The following ANO3 variants were observed in gnomAD, a reference collection of about 807,000 sequenced individuals.
The protein encoded by ANO3 is anoctamin-3.
Under a neutral mutation model 144.8 loss-of-function variants are expected in ANO3, and 99 were observed. That is an observed-to-expected ratio of 0.68 (90% CI 0.58 to 0.81). The LOEUF (loss-of-function observed/expected upper bound fraction) is 0.81, where lower values mean the gene tolerates loss of function less well. Among genes scored for constraint, ANO3 ranks in the 30% least tolerant of loss-of-function variants. The pLI, the probability that ANO3 is intolerant of heterozygous loss-of-function variation, is 0.00. For missense variants in ANO3, 905 were observed against 1,202.2 expected (o/e 0.75, Z 3.66); for synonymous variants, 414 against 392.6 (o/e 1.05, Z -0.64).
At chr11:26,391,551 A>G (rs1841569) in intron 1 of ANO3, among the ~76,000 whole-genome samples, 141,913 of 152,144 alleles carry the variant, frequency 0.93, 66,344 homozygotes, top group East Asian at 1. Context: ...TTACTTTTAT[A>G]TGATAGCATA....
intron 6 of ANO3, among the ~76,000 whole-genome samples, chr11:26,521,294 A>C (rs546090009): frequency 2.6e-5 from 4 of 152,308 alleles, no homozygotes; most frequent in Admixed American, 6.5e-5. Flanking sequence ...ATTTTTTAAA[A>C]ATTTATGCAT....
intron 24 of ANO3, among the ~76,000 whole-genome samples, chr11:26,654,263 C>T (rs79570279): frequency 2.4e-4 from 37 of 152,028 alleles, no homozygotes; most frequent in Non-Finnish European, 2.9e-4. Flanking sequence ...TTTATTTAAG[C>T]GTTCGTTGAA....
At chr11:26,310,498 TC>T (rs1854480836) in intron 1 of ANO3, among the ~76,000 whole-genome samples, 1 of 152,208 alleles carries the variant, frequency 6.6e-6, no homozygotes, top group African/African-American at 2.4e-5. Flanking sequence ...AAGAGTTCCT[TC>T]TGCCTGAATA....
intron 1 of ANO3, among the ~76,000 whole-genome samples, chr11:26,343,564 C>T (rs1223006321): frequency 6.6e-6 from 1 of 152,138 alleles, no homozygotes; most frequent in East Asian, 1.9e-4. Flanking sequence ...CTCCGTGGTA[C>T]ACTTGCAGCT....
chr11:26,544,273 T>TATATATACACACACAC lies in ANO3; in HGVS notation c.1154+2206_1154+2207insTATATACACACACACA. Among the ~76,000 whole-genome samples the TATATATACACACACAC allele has an allele frequency of 7.2e-4, 42 of 58,570 alleles. 2 individuals carry two copies. The East Asian group carries it at 0.016, about 23-fold the overall frequency. 38.4% of individuals were successfully genotyped at this position (58,570 alleles called of 152,430 possible). On this transcript the variant is annotated intron_variant, in intron 11 of 26. Coordinates refer to ENST00000256737, the MANE Select transcript of ANO3 (RefSeq NM_031418.4). The stretch of plus-strand genomic sequence containing the variant: ...ATACATATATATATATATATATATA[T>TATATATACACACACAC]ACACACATACACACACACACACACA...
exon 1 of ANO3, chr11:26,309,645 G>A: frequency 1.0e-6 from 1 of 985,102 alleles, no homozygotes; most frequent in Non-Finnish European, 1.2e-6. Context: ...TCTCTCACAG[G>A]TCTGCAAAAG....
intron 1 of ANO3, among the ~76,000 whole-genome samples, chr11:26,194,006 G>A (rs969378755): frequency 6.6e-6 from 1 of 152,168 alleles, no homozygotes; most frequent in African/African-American, 2.4e-5. Context: ...TATTAAGGGT[G>A]TAAAAAATCC....
rs11029381 is a variant in ANO3 at position 26,199,596 on chromosome 11, T to G, written c.154+10266T>G. Among the ~76,000 whole-genome samples the G allele has an allele frequency of 1.2e-3, 178 of 152,304 alleles. 2 individuals are homozygous for G. The East Asian group carries it at 0.026, about 23-fold the overall frequency. On this transcript the variant is annotated intron_variant, in intron 1 of 27. Coordinates refer to the ANO3 transcript ENST00000672621. ...AACTGGGCCAAAGATTCTTTTACAC[T>G]CTGAGAAACTGGCTATGGAAGTTGT...
At chr11:26,500,873 G>A (rs1590423392) in intron 4 of ANO3, among the ~76,000 whole-genome samples, 1 of 152,088 alleles carries the variant, frequency 6.6e-6, no homozygotes, top group East Asian at 1.9e-4. Flanking sequence ...GGAAACAGTT[G>A]TAGCTGTAAA....
intron 7 of ANO3, among the ~76,000 whole-genome samples, chr11:26,526,770 A>T (rs7937838): frequency 0.015 from 2,225 of 152,210 alleles, 48 homozygotes; most frequent in African/African-American, 0.051. Flanking sequence ...TAAATTAATG[A>T]TGCTCTTCAA....
intron 21 of ANO3, among the ~76,000 whole-genome samples, chr11:26,640,264 T>C (rs1264364683): frequency 6.6e-6 from 1 of 152,252 alleles, no homozygotes; most frequent in African/African-American, 2.4e-5. Context: ...AGGATATTTA[T>C]GAAGATTAAC....
chr11:26,302,191 G>C (rs1222804919), intron 1 of ANO3, among the ~76,000 whole-genome samples: 1 of 152,062 alleles, frequency 6.6e-6, no homozygotes, highest in African/African-American at 2.4e-5. Context: ...GTTAGTGTAT[G>C]AGAGTTTATT....
chr11:26,304,703 TTA>T (rs1444056297), upstream of ANO3, among the ~76,000 whole-genome samples: 1 of 152,172 alleles, frequency 6.6e-6, no homozygotes, highest in African/African-American at 2.4e-5. Context: ...GATTGTAAAA[TTA>T]TGTTATACAA....
intron 1 of ANO3, chr11:26,427,424 CT>C (rs942781535): frequency 6.6e-6 from 1 of 152,172 alleles, no homozygotes; most frequent in African/African-American, 2.4e-5. Flanking sequence ...ATGTTAGAGA[CT>C]ACATTTCATC....
rs1200708730 is a variant in ANO3, at chr11:26,662,452, A to G, written c.*2008A>G. 1 of 151,982 alleles carries G rather than the reference A, an allele frequency of 6.6e-6. No homozygotes were observed. The highest frequency in any genetic ancestry group is 1.5e-5 in the Non-Finnish European group (1 of 67,972). 9.4% of individuals were successfully genotyped at this position (151,982 alleles called of 1,614,324 possible). A position where few individuals can be genotyped will look rare whatever the true frequency, so the allele number is the denominator to read the frequency against. ...CATGTATACACCTGCCTGAGTATAAATACTCTCTCTACCTAATAATAACAT... is the reference window on the plus strand; with the variant it reads ...CATGTATACACCTGCCTGAGTATAAGTACTCTCTCTACCTAATAATAACAT... On this transcript the variant is annotated 3_prime_UTR_variant, in exon 27 of 27. Coordinates refer to ENST00000256737, the MANE Select transcript of ANO3 (RefSeq NM_031418.4).
chr11:26,619,730 G>T (rs976329392), intron 17 of ANO3, among the ~76,000 whole-genome samples: 2 of 152,180 alleles, frequency 1.3e-5, no homozygotes, highest in Non-Finnish European at 2.9e-5. Flanking sequence ...GCCTCCCAAA[G>T]TGCTGGGATT....
At chr11:26,597,414 G>A (rs12293598) in intron 14 of ANO3, among the ~76,000 whole-genome samples, 18,824 of 152,234 alleles carry the variant, frequency 0.12, 1,426 homozygotes, top group African/African-American at 0.22. Context: ...TAGCCGTGCA[G>A]GAACAACGGC....
intron 1 of ANO3, among the ~76,000 whole-genome samples, chr11:26,334,945 C>G (rs2133892330): frequency 6.6e-6 from 1 of 152,242 alleles, no homozygotes; most frequent in South Asian, 2.1e-4. Flanking sequence ...AATATTTAAA[C>G]TCTACACAAG....
chr11:26,497,128 A>G (rs1307395741), intron 4 of ANO3, among the ~76,000 whole-genome samples: 1 of 151,750 alleles, frequency 6.6e-6, no homozygotes, highest in Non-Finnish European at 1.5e-5. Flanking sequence ...ATACACGTAT[A>G]TATGTATATA....
Sources: gnomAD v4.1 joint callset for allele counts (sites outside exome capture counted in the v4.1 genomes callset) on GRCh38, gnomAD v4.1.1 for gene constraint, MANE v1.5 for transcripts, NCBI Gene and HGNC (gene_info 2026-07-23, HGNC 2026-07-21) for gene names.